Variants in IL1RAPL2 observed in about 807,000 individuals in gnomAD.
IL1RAPL2 encodes the protein interleukin 1 receptor accessory protein like 2.
Under a neutral mutation model 44.1 loss-of-function variants are expected in IL1RAPL2, and 3 were observed. The observed-to-expected ratio is 0.07, with a 90% confidence interval of 0.03 to 0.18. The LOEUF is 0.18. Ranked by LOEUF, IL1RAPL2 falls within the 10% of genes least tolerant of loss-of-function variation. The pLI, the probability that IL1RAPL2 is intolerant of heterozygous loss-of-function variation, is 1.00. For synonymous variants in IL1RAPL2, 181 were observed against 178.8 expected (o/e 1.01, Z -0.10); for missense variants, 391 against 496.4 (o/e 0.79, Z 2.02).
chrX:104,780,029 A>T (rs2147601977), intron 2 of IL1RAPL2, among the ~76,000 whole-genome samples: 1 of 112,032 alleles, frequency 8.9e-6, no homozygotes, highest in African/African-American at 3.2e-5. Flanking sequence ...AATGAAATTG[A>T]TAAAAATGAT....
chrX:104,805,659 C>T (rs1302055623), intron 2 of IL1RAPL2, among the ~76,000 whole-genome samples: 3 of 111,972 alleles, frequency 2.7e-5, no homozygotes, highest in Non-Finnish European at 5.6e-5. Flanking sequence ...CAATCCTAGC[C>T]TGGGAGTAGT....
intron 5 of IL1RAPL2, among the ~76,000 whole-genome samples, chrX:105,316,638 A>G (rs908379198): frequency 8.9e-6 from 1 of 112,116 alleles, no homozygotes; most frequent in Non-Finnish European, 1.9e-5. Context: ...TAAACCTTGA[A>G]TGAAGAATCT....
At chrX:105,006,785 T>C (rs763186786) in intron 2 of IL1RAPL2, among the ~76,000 whole-genome samples, 14 of 111,344 alleles carry the variant, frequency 1.3e-4, no homozygotes, top group Non-Finnish European at 2.1e-4. Context: ...TGGGTTGCAG[T>C]TGAGACACCT....
intron 5 of IL1RAPL2, among the ~76,000 whole-genome samples, chrX:105,457,440 G>A (rs981715110): frequency 2.7e-5 from 3 of 109,500 alleles, no homozygotes; most frequent in African/African-American, 9.9e-5. Context: ...GTATCCTCTA[G>A]TCTACTTTTT....
rs769989823 is a variant in IL1RAPL2 at position 105,437,175 on chromosome X, A to T, written c.698-47138A>T. On this transcript the variant is annotated intron_variant, in intron 5 of 10. Coordinates refer to ENST00000372582, the MANE Select transcript of IL1RAPL2 (RefSeq NM_017416.2). The stretch of plus-strand genomic sequence containing the variant: ...TTTTTAAAGCAAAATGTCACCCAGT[A>T]CTTTATTTTTACCTACATTTACATG... Among the ~76,000 whole-genome samples the T allele has an allele frequency of 1.1e-4, 12 of 109,905 alleles. No homozygotes were observed. The South Asian group carries it at 4.6e-3, about 42-fold the overall frequency.
At chrX:104,798,785 A>T (rs1362314194) in intron 2 of IL1RAPL2, among the ~76,000 whole-genome samples, 1 of 111,307 alleles carries the variant, frequency 9.0e-6, no homozygotes, top group African/African-American at 3.3e-5. Flanking sequence ...GGTGCTTATA[A>T]ATACAATGTC....
intron 2 of IL1RAPL2, among the ~76,000 whole-genome samples, chrX:104,784,064 C>A (rs41491847): frequency 0.12 from 13,467 of 111,175 alleles, 765 homozygotes; most frequent in Non-Finnish European, 0.18. Flanking sequence ...TTCCTAGGAA[C>A]CTTGCCTAAT....
intron 5 of IL1RAPL2, among the ~76,000 whole-genome samples, chrX:105,371,578 C>A (rs1315812269): frequency 1.8e-5 from 2 of 111,610 alleles, no homozygotes; most frequent in Non-Finnish European, 3.8e-5. Flanking sequence ...TCAGTTCATT[C>A]TTTCAGATAG....
chrX:105,290,291 T>C (rs1442211107), intron 5 of IL1RAPL2, among the ~76,000 whole-genome samples: 2 of 111,414 alleles, frequency 1.8e-5, no homozygotes, highest in Admixed American at 9.6e-5. Flanking sequence ...AGAGATGAGA[T>C]GCATTAACAA....
intron 5 of IL1RAPL2, among the ~76,000 whole-genome samples, chrX:105,434,634 T>C (rs1334889477): frequency 8.9e-6 from 1 of 112,081 alleles, no homozygotes; most frequent in African/African-American, 3.2e-5. Context: ...ATGGGTAGAT[T>C]GCAAAAATTT....
chrX:105,387,522 C>T (rs974518119), intron 5 of IL1RAPL2, among the ~76,000 whole-genome samples: 7 of 110,584 alleles, frequency 6.3e-5, no homozygotes, highest in African/African-American at 1.6e-4. Context: ...CATGAGCCAC[C>T]GCGCCTGGCC....
chrX:105,750,782 A>G (rs189510156), intron 9 of IL1RAPL2, among the ~76,000 whole-genome samples: 45 of 110,321 alleles, frequency 4.1e-4, no homozygotes, highest in Middle Eastern at 4.7e-3. Flanking sequence ...GACAATATAT[A>G]TGGAAATATG....
At chrX:105,614,067 T>C (rs948445605) in intron 6 of IL1RAPL2, among the ~76,000 whole-genome samples, 21 of 111,833 alleles carry the variant, frequency 1.9e-4, no homozygotes, top group Non-Finnish European at 1.7e-4. Flanking sequence ...ACCAAGAAAG[T>C]AATCCCATTT....
At chrX:104,893,161 G>A in intron 2 of IL1RAPL2, among the ~76,000 whole-genome samples, 1 of 111,975 alleles carries the variant, frequency 8.9e-6, no homozygotes, top group East Asian at 2.8e-4. Context: ...GAGACAGTTT[G>A]TTATAATTTC....
intron 6 of IL1RAPL2, among the ~76,000 whole-genome samples, chrX:105,630,911 A>G (rs937592426): frequency 3.6e-5 from 4 of 111,017 alleles, no homozygotes; most frequent in Admixed American, 2.9e-4. Flanking sequence ...AGGTTTCCTC[A>G]TTTTTTAAGT....
intron 6 of IL1RAPL2, among the ~76,000 whole-genome samples, chrX:105,646,829 G>T (rs1200898873): frequency 8.9e-6 from 1 of 112,051 alleles, no homozygotes; most frequent in Non-Finnish European, 1.9e-5. Flanking sequence ...ACTTTTCACA[G>T]ACTGCTCCCA....
chrX:105,143,157 A>C (rs1239253098), intron 2 of IL1RAPL2, among the ~76,000 whole-genome samples: 9 of 111,610 alleles, frequency 8.1e-5, no homozygotes, highest in Non-Finnish European at 1.3e-4. Flanking sequence ...GTGAACAGAC[A>C]AGCTACAGAA....
At chrX:105,554,403 T>C (rs2036882199) in intron 6 of IL1RAPL2, among the ~76,000 whole-genome samples, 1 of 112,188 alleles carries the variant, frequency 8.9e-6, no homozygotes, top group Non-Finnish European at 1.9e-5. Context: ...TATATCTTGG[T>C]GTGGTATTCT....
intron 2 of IL1RAPL2, among the ~76,000 whole-genome samples, chrX:105,080,006 A>T (rs1218138702): frequency 1.8e-5 from 2 of 112,205 alleles, no homozygotes; most frequent in African/African-American, 6.5e-5. Flanking sequence ...TCTTTTGAGA[A>T]GTGTCTGTTC....
Sources: allele counts gnomAD v4.1 joint callset (sites outside exome capture counted in the v4.1 genomes callset), GRCh38; gene constraint gnomAD v4.1.1; transcripts MANE v1.5; gene names NCBI Gene and HGNC (gene_info 2026-07-23, HGNC 2026-07-21).